ASTN2: variants seen among roughly 807,000 people sequenced by gnomAD.
The protein encoded by ASTN2 is astrotactin 2, also known as astrotactin-2.
ASTN2 carries 54 observed loss-of-function variants against 139.8 expected under a neutral mutation model. The ratio of observed to expected loss-of-function variants is 0.39; its 90% CI spans 0.31 to 0.48. ASTN2 has a LOEUF of 0.48. Among genes scored for constraint, ASTN2 ranks in the 20% least tolerant of loss-of-function variants. The pLI is 0.95. For missense variants in ASTN2, 1,565 were observed against 1,725.1 expected, an observed-to-expected ratio of 0.91 and a Z score of 1.64; for synonymous variants, 756 against 719.5, an observed-to-expected ratio of 1.05 and a Z score of -0.81.
intron 4 of ASTN2, among the ~76,000 whole-genome samples, chr9:117,096,490 C>T (rs1828844253): frequency 6.6e-6 from 1 of 152,190 alleles, no homozygotes; most frequent in African/African-American, 2.4e-5. Context: ...AATACCTGGT[C>T]CGCAGTACAT....
At chr9:116,453,801 C>T (rs1848248212) in intron 20 of ASTN2, among the ~76,000 whole-genome samples, 1 of 152,122 alleles carries the variant, frequency 6.6e-6, no homozygotes, top group Admixed American at 6.5e-5. Context: ...TTCATTAGAG[C>T]TCCAGTTCAG....
At chr9:116,687,206 G>A in intron 16 of ASTN2, 2 of 1,010,882 alleles carry the variant, frequency 2.0e-6, no homozygotes, top group South Asian at 4.1e-5. Context: ...GCCTTGCCCC[G>A]CGCGCTTGGG....
At chr9:117,268,486 T>C (rs558225972) in intron 2 of ASTN2, among the ~76,000 whole-genome samples, 9 of 152,300 alleles carry the variant, frequency 5.9e-5, no homozygotes, top group Middle Eastern at 3.4e-3. Flanking sequence ...TGGCTAGAAG[T>C]ATACTTTTTC....
At chr9:116,913,658 T>C (rs556036209) in intron 10 of ASTN2, among the ~76,000 whole-genome samples, 1 of 152,324 alleles carries the variant, frequency 6.6e-6, no homozygotes, top group South Asian at 2.1e-4. Flanking sequence ...TACTCCCTTT[T>C]ATAGCACTTA....
intron 1 of ASTN2, among the ~76,000 whole-genome samples, chr9:117,307,759 T>C (rs957697483): frequency 6.6e-6 from 1 of 152,234 alleles, no homozygotes; most frequent in Non-Finnish European, 1.5e-5. Context: ...CCCTCATGTG[T>C]GTCCTCAAAT....
chr9:117,147,464 C>T (rs1448454494), intron 3 of ASTN2, among the ~76,000 whole-genome samples: 1 of 146,278 alleles, frequency 6.8e-6, no homozygotes, highest in African/African-American at 2.6e-5. Flanking sequence ...CACACACACA[C>T]CCCCGTTATC....
chr9:117,161,272 G>A (rs1227206311), intron 3 of ASTN2, among the ~76,000 whole-genome samples: 2 of 152,010 alleles, frequency 1.3e-5, no homozygotes, highest in Non-Finnish European at 2.9e-5. Context: ...AATAACTCTT[G>A]TGAAAGTAAA....
At chr9:116,847,072 G>T (rs1350206082) in intron 11 of ASTN2, among the ~76,000 whole-genome samples, 1 of 151,058 alleles carries the variant, frequency 6.6e-6, no homozygotes, top group African/African-American at 2.4e-5. Context: ...TATTCTAATG[G>T]GGGGAGAAAA....
chr9:117,008,000 G>T, intron 7 of ASTN2, 92 bp downstream of exon 7: 1 of 1,367,180 alleles, frequency 7.3e-7, no homozygotes, highest in Non-Finnish European at 9.7e-7. Context: ...CAATGGCTCA[G>T]AATCCATGGT....
At chr9:117,020,205 T>C (rs1482969517) in intron 6 of ASTN2, among the ~76,000 whole-genome samples, 2 of 152,134 alleles carry the variant, frequency 1.3e-5, no homozygotes, top group Non-Finnish European at 2.9e-5. Context: ...ATACTGATGA[T>C]GGTACTATTA....
intron 13 of ASTN2, among the ~76,000 whole-genome samples, chr9:116,775,614 A>AAGGAAGGAAGGG (rs1830065759): frequency 9.5e-6 from 1 of 105,426 alleles, no homozygotes; most frequent in Non-Finnish European, 2.0e-5. Flanking sequence ...GGAAAGAAGG[A>AAGGAAGGAAGGG]AGGAAGGAAG....
intron 3 of ASTN2, among the ~76,000 whole-genome samples, chr9:117,151,175 A>G (rs1477623405): frequency 6.6e-6 from 1 of 152,132 alleles, no homozygotes; most frequent in East Asian, 1.9e-4. Context: ...ACAAAAGAAA[A>G]AAAAACAAGT....
intron 16 of ASTN2, among the ~76,000 whole-genome samples, chr9:116,702,911 G>A (rs1312866347): frequency 2.0e-5 from 3 of 152,172 alleles, no homozygotes; most frequent in African/African-American, 4.8e-5. Context: ...TAAACGTGGC[G>A]TGAGCTTTAC....
In ASTN2 at chr9:116,956,213, A is replaced by T. The variant is rs1412743092; in HGVS notation, c.1889+18995T>A. 2.1e-5 allele frequency among the ~76,000 whole-genome samples: 3 copies of T among 145,816 alleles called. No individual in the cohort carries two copies. The Admixed American group carries it at 2.1e-4, about 10-fold the overall frequency. The stretch of plus-strand genomic sequence containing the variant: ...TGGGTTCAAGTGATTCTCCTCCCTC[A>T]GCCTCCCAAGTAGCTGGGATTACAG... On this transcript the variant is annotated intron_variant, in intron 10 of 22. Coordinates refer to ENST00000313400, the MANE Select transcript of ASTN2 (RefSeq NM_001365068.1).
intron 19 of ASTN2, among the ~76,000 whole-genome samples, chr9:116,500,020 A>G (rs182272875): frequency 6.6e-6 from 1 of 152,158 alleles, no homozygotes; most frequent in East Asian, 1.9e-4. Context: ...CACTTTATCT[A>G]TCTGCCAGAC....
At chr9:117,144,709 T>G (rs1830155020) in intron 3 of ASTN2, among the ~76,000 whole-genome samples, 2 of 118,406 alleles carry the variant, frequency 1.7e-5, no homozygotes, top group Non-Finnish European at 1.7e-5. Context: ...TGAGATGGAG[T>G]CTCGCTCTGT....
intron 16 of ASTN2, among the ~76,000 whole-genome samples, chr9:116,656,419 T>C (rs1487348502): frequency 6.6e-6 from 1 of 152,320 alleles, no homozygotes; most frequent in South Asian, 2.1e-4. Context: ...GGTTTTCATG[T>C]AGGCCCTTGC....
intron 20 of ASTN2, among the ~76,000 whole-genome samples, chr9:116,472,928 G>GA (rs71377245): frequency 0.82 from 107,190 of 130,802 alleles, 45,460 homozygotes; most frequent in South Asian, 0.93. Flanking sequence ...CTCTGTCTTG[G>GA]AAAAAAAAAA....
chr9:117,054,189 T>C (rs1461505321), intron 5 of ASTN2, among the ~76,000 whole-genome samples: 3 of 152,160 alleles, frequency 2.0e-5, no homozygotes, highest in Non-Finnish European at 4.4e-5. Context: ...ACAATGGCAG[T>C]CTTAGCCCAA....
Sources: allele counts gnomAD v4.1 joint callset (sites outside exome capture counted in the v4.1 genomes callset), GRCh38; gene constraint gnomAD v4.1.1; transcripts MANE v1.5; gene names NCBI Gene and HGNC (gene_info 2026-07-23, HGNC 2026-07-21).